WDPCP: variants seen among roughly 807,000 people sequenced by gnomAD.
The protein encoded by WDPCP is WD repeat-containing and planar cell polarity effector protein fritz homolog.
A neutral mutation model predicts 93.1 loss-of-function variants in WDPCP; 71 were observed. The observed-to-expected ratio is 0.76, with a 90% CI of 0.63 to 0.93. The LOEUF is 0.93. Among genes scored for constraint, WDPCP ranks in the 40% least tolerant of loss-of-function variants. The pLI, the probability that WDPCP is intolerant of heterozygous loss-of-function variation, is 0.00. For synonymous variants in WDPCP, 315 were observed against 315.0 expected (o/e 1.00, Z 0.00); for missense variants, 844 against 887.4 (o/e 0.95, Z 0.62).
intron 17 of WDPCP, among the ~76,000 whole-genome samples, chr2:63,136,522 A>C (rs1250676722): frequency 1.3e-5 from 2 of 152,084 alleles, no homozygotes; most frequent in Non-Finnish European, 2.9e-5. Flanking sequence ...CGGGGGAGGG[A>C]AAGGAGTATA....
At chr2:63,390,607 C>G (rs1693156750) in intron 10 of WDPCP, among the ~76,000 whole-genome samples, 1 of 152,094 alleles carries the variant, frequency 6.6e-6, no homozygotes, top group Non-Finnish European at 1.5e-5. Flanking sequence ...ATCAATGAAT[C>G]CGGGAGCTGG....
rs753529416 is a variant in WDPCP at position 63,404,466 on chromosome 2, C to G, written c.1017G>C (p.Lys339Asn). 7 of 1,613,980 alleles carry G rather than the reference C, an allele frequency of 4.3e-6. No individual in the cohort carries two copies. The South Asian group carries it at 7.7e-5, about 18-fold the overall frequency. Residue 339 changes from lysine (K) to asparagine (N), a missense_variant, in exon 10 of 18, where the codon AAG becomes AAC. Lys to Asn is a moderately conservative substitution (Grantham distance 94). Coordinates refer to ENST00000272321, the MANE Select transcript of WDPCP (RefSeq NM_015910.7). ...VSVTRIPLKSKAISCCRNVTE... is the reference protein window; with the variant it reads ...VSVTRIPLKSNAISCCRNVTE... ...TAACATTCCTGCAGCAGCTGATGGCCTTTGACTTTAGTGGTATTCTGGTGA... is the reference window on the plus strand; with the variant it reads ...TAACATTCCTGCAGCAGCTGATGGCGTTTGACTTTAGTGGTATTCTGGTGA...
chr2:63,495,071 G>A (rs1029342450), intron 1 of WDPCP, among the ~76,000 whole-genome samples: 1 of 151,986 alleles, frequency 6.6e-6, no homozygotes, highest in Non-Finnish European at 1.5e-5. Flanking sequence ...TTTCTTCCGT[G>A]CATTAAATGC....
intron 3 of WDPCP, among the ~76,000 whole-genome samples, chr2:63,645,096 G>A (rs141694797): frequency 7.2e-5 from 11 of 151,912 alleles, no homozygotes; most frequent in African/African-American, 2.4e-4. Flanking sequence ...GCATTGTTAG[G>A]TCGTCTACCT....
At chr2:63,263,531 A>G (rs1681834419) in intron 13 of WDPCP, among the ~76,000 whole-genome samples, 1 of 152,206 alleles carries the variant, frequency 6.6e-6, no homozygotes, top group Non-Finnish European at 1.5e-5. Context: ...TCCCAGCACC[A>G]TGCTCTCAGA....
At chr2:63,376,648 T>G (rs1398592706) in intron 12 of WDPCP, among the ~76,000 whole-genome samples, 1 of 151,836 alleles carries the variant, frequency 6.6e-6, no homozygotes, top group African/African-American at 2.4e-5. Flanking sequence ...AAACAAATAT[T>G]AGCAATAAGA....
intron 1 of WDPCP, among the ~76,000 whole-genome samples, chr2:63,501,499 G>C (rs191001284): frequency 8.5e-5 from 13 of 152,318 alleles, no homozygotes; most frequent in Non-Finnish European, 1.6e-4. Flanking sequence ...CCAGGAGTTG[G>C]AGAGTGCAAT....
chr2:63,317,541 A>G (rs769808494), intron 12 of WDPCP, among the ~76,000 whole-genome samples: 4 of 152,218 alleles, frequency 2.6e-5, no homozygotes, highest in Non-Finnish European at 5.9e-5. Flanking sequence ...ACTAAGCAGC[A>G]TGGTACTGGT....
chr2:63,551,066 C>T (rs1575628820), intron 1 of WDPCP, among the ~76,000 whole-genome samples: 1 of 152,240 alleles, frequency 6.6e-6, no homozygotes. Flanking sequence ...CTAAAGTCTA[C>T]CTTATAAATG....
chr2:63,374,414 C>A (rs942481132), intron 12 of WDPCP, among the ~76,000 whole-genome samples: 1 of 152,134 alleles, frequency 6.6e-6, no homozygotes, highest in Non-Finnish European at 1.5e-5. Context: ...TTTGGATGAT[C>A]TGACCAGGAG....
chr2:63,223,827 T>C (rs183266594), intron 14 of WDPCP, among the ~76,000 whole-genome samples: 98 of 152,238 alleles, frequency 6.4e-4, no homozygotes, highest in Non-Finnish European at 1.2e-3. Flanking sequence ...AGTGTCACCT[T>C]TGTCATAAAT....
intron 17 of WDPCP, among the ~76,000 whole-genome samples, chr2:63,126,772 G>C (rs889331396): frequency 3.4e-5 from 5 of 148,934 alleles, no homozygotes; most frequent in Non-Finnish European, 7.4e-5. Flanking sequence ...TCAAACTTTC[G>C]GGCTCAGGTG....
rs1194014419 is a variant in WDPCP at position 63,120,092 on chromosome 2, A to G, written c.*1914T>C. 6.6e-6 allele frequency among the ~76,000 whole-genome samples: 1 copy of G among 152,210 alleles called. No homozygotes were observed. The highest frequency in any genetic ancestry group is 2.4e-5 in the African/African-American group (1 of 41,452). On this transcript the variant is annotated 3_prime_UTR_variant, in exon 18 of 18. Transcript: ENST00000272321. ...GTATCAATATCCATATTTTATCTTT[A>G]GTATCTCACAGGAAAGGTATTTTGG...
intron 14 of WDPCP, among the ~76,000 whole-genome samples, chr2:63,246,147 T>C (rs894778375): frequency 6.6e-6 from 1 of 152,166 alleles, no homozygotes; most frequent in Non-Finnish European, 1.5e-5. Context: ...TGAGATATAT[T>C]AATACAGCAG....
At chr2:63,715,414 G>C (rs1669323697) in intron 2 of WDPCP, among the ~76,000 whole-genome samples, 2 of 152,194 alleles carry the variant, frequency 1.3e-5, no homozygotes, top group Non-Finnish European at 2.9e-5. Context: ...GCCATAGGTA[G>C]AGAAACAACT....
chr2:63,295,558 A>G (rs1033103336), intron 13 of WDPCP, among the ~76,000 whole-genome samples: 3 of 141,764 alleles, frequency 2.1e-5, no homozygotes, highest in Non-Finnish European at 4.6e-5. Flanking sequence ...AGAATATTAT[A>G]TAAGTACAAT....
At chr2:63,446,228 G>A (rs543410419) in intron 6 of WDPCP, among the ~76,000 whole-genome samples, 3 of 152,210 alleles carry the variant, frequency 2.0e-5, no homozygotes, top group East Asian at 1.9e-4. Context: ...GTTAGCAACC[G>A]GGCCACACAG....
chr2:63,670,991 C>G (rs1186781233), intron 2 of WDPCP, among the ~76,000 whole-genome samples: 1 of 152,184 alleles, frequency 6.6e-6, no homozygotes, highest in Non-Finnish European at 1.5e-5. Flanking sequence ...AAGTATTCCT[C>G]AGAGAAGGGA....
chr2:63,266,468 A>T (rs1043116769), intron 13 of WDPCP, among the ~76,000 whole-genome samples: 1 of 152,236 alleles, frequency 6.6e-6, no homozygotes, highest in Non-Finnish European at 1.5e-5. Context: ...TATACACTGA[A>T]AACTGTAAAA....
Sources: allele counts gnomAD v4.1 joint callset (sites outside exome capture counted in the v4.1 genomes callset), GRCh38; gene constraint gnomAD v4.1.1; transcripts MANE v1.5; gene names NCBI Gene and HGNC (gene_info 2026-07-23, HGNC 2026-07-21).